Variants in ASS1 observed in about 807,000 individuals in gnomAD.
ASS1 encodes argininosuccinate synthase 1, also known as argininosuccinate synthase.
In ASS1, 58 loss-of-function variants were observed where a neutral mutation model predicts 60.5. That is an observed-to-expected ratio of 0.96 (90% CI 0.78 to 1.19). The LOEUF is 1.19. Among genes scored for constraint, ASS1 ranks in the 50% most tolerant of loss-of-function variants. ASS1 has a pLI of 0.00. For missense variants in ASS1, 454 were observed against 547.3 expected (o/e 0.83, Z 1.70); for synonymous variants, 200 against 206.9 (o/e 0.97, Z 0.29).
intron 12 of ASS1, among the ~76,000 whole-genome samples, chr9:130,492,897 G>A (rs1181594494): frequency 2.6e-5 from 4 of 152,142 alleles, no homozygotes; most frequent in Admixed American, 2.6e-4. Flanking sequence ...ACCCAGGCTG[G>A]GTCCGCTGGG....
In ASS1 at chr9:130,477,632, G is replaced by A. The variant is rs926437998; in HGVS notation, c.688+671G>A. On this transcript the variant is annotated intron_variant, in intron 9 of 14. Transcript: ENST00000352480. This position sits in a 1 kb window ranked among gnomAD's most constrained non-coding sequence, Gnocchi z 4.2. ...CTTGGGAGAGGGCATCTCTTGGCCT[G>A]GAGGAAGGATGGAGAAGCGAGGCAT... Among the ~76,000 whole-genome samples, 1 of 152,264 alleles carries A rather than the reference G, an allele frequency of 6.6e-6. No individual in the cohort carries two copies. The highest frequency in any genetic ancestry group is 1.5e-5 in the Non-Finnish European group (1 of 68,044).
chr9:130,500,865 A>G, intron 14 of ASS1, 111 bp from the exon 15 acceptor site: 1 of 1,188,564 alleles, frequency 8.4e-7, no homozygotes, highest in Non-Finnish European at 1.2e-6. Context: ...CTTCACACAC[A>G]TCTTAACAAA....
Position 130,458,606 on chromosome 9 carries a change from G to T in ASS1, c.363+17G>T, listed in dbSNP as rs1845507662. On this transcript the variant is annotated intron_variant, in intron 4 of 14. Transcript: ENST00000352480. ...ACAGGAAAGGTGAGGCACCTGGGAA[G>T]GGCCGGGCAGAGGGAGATGGAGGCG... 9.9e-6 allele frequency: 16 copies of T among 1,610,046 alleles called. No individual in the cohort carries two copies. Among genetic ancestry groups the T allele is most frequent in the Non-Finnish European group, 1.4e-5 (16 of 1,178,834 alleles).
chr9:130,465,624 C>T (rs960545833), intron 5 of ASS1, among the ~76,000 whole-genome samples: 1 of 152,218 alleles, frequency 6.6e-6, no homozygotes, highest in African/African-American at 2.4e-5. Flanking sequence ...TGGGCTCAAG[C>T]TCTGGAAGAG....
At chr9:130,471,974 C>G (rs1173256509) in intron 8 of ASS1, among the ~76,000 whole-genome samples, 1 of 152,152 alleles carries the variant, frequency 6.6e-6, no homozygotes, top group African/African-American at 2.4e-5. Context: ...CCCGCCACCA[C>G]CGGCCACCCT....
Position 130,474,074 on chromosome 9 carries a change from C to CCCCA in ASS1, c.597+2560_597+2561insCCAC, listed in dbSNP as rs1554722814. 9.0e-5 allele frequency among the ~76,000 whole-genome samples: 9 copies of CCCCA among 100,118 alleles called. 1 individual carries two copies. Among genetic ancestry groups the CCCCA allele is most frequent in the Non-Finnish European group, 2.2e-5 (1 of 45,630 alleles). 65.7% of individuals were successfully genotyped at this position (100,118 alleles called of 152,430 possible). ...TTCCCTCCCCCGCACCCCCCCCCCC[C>CCCCA]CACAGATGACATTGGAAGTGAGCCC... On this transcript the variant is annotated intron_variant, in intron 8 of 14. Coordinates refer to ENST00000352480, the MANE Select transcript of ASS1 (RefSeq NM_054012.4).
chr9:130,466,875 T>A (rs1160522323), intron 6 of ASS1, 76 bp downstream of exon 6: 2 of 1,524,440 alleles, frequency 1.3e-6, no homozygotes, highest in Non-Finnish European at 1.8e-6. Flanking sequence ...CTGGGGGCTG[T>A]CTGAGCCAGT....
At chr9:130,449,218 C>T (rs923910689) in intron 1 of ASS1, among the ~76,000 whole-genome samples, 3 of 151,930 alleles carry the variant, frequency 2.0e-5, no homozygotes, top group African/African-American at 7.3e-5. Flanking sequence ...GTAGTCCCAG[C>T]TACTTGGGGG....
intron 5 of ASS1, among the ~76,000 whole-genome samples, chr9:130,464,845 C>T (rs1343706739): frequency 1.3e-5 from 2 of 151,940 alleles, no homozygotes; most frequent in Non-Finnish European, 2.9e-5. Flanking sequence ...CTCGCTAGCT[C>T]ATCCTTCATC....
intron 2 of ASS1, among the ~76,000 whole-genome samples, chr9:130,453,506 T>C (rs1013239361): frequency 6.6e-6 from 1 of 152,156 alleles, no homozygotes; most frequent in African/African-American, 2.4e-5. Flanking sequence ...GAGCACAGCT[T>C]TGAGGGGCTG....
intron 6 of ASS1, among the ~76,000 whole-genome samples, chr9:130,468,118 G>T (rs1169120027): frequency 6.6e-6 from 1 of 152,186 alleles, no homozygotes; most frequent in African/African-American, 2.4e-5. Flanking sequence ...ATCTGAGCAC[G>T]TTCTAGAAGG....
intron 1 of ASS1, among the ~76,000 whole-genome samples, chr9:130,448,187 G>C (rs992334005): frequency 2.2e-4 from 33 of 151,948 alleles, no homozygotes; most frequent in Admixed American, 1.5e-3. Context: ...GAGGGAGGGG[G>C]GTGCCCCACC....
chr9:130,471,012 C>A, intron 7 of ASS1, 108 bp downstream of exon 7: 1 of 1,306,684 alleles, frequency 7.7e-7, no homozygotes, highest in Non-Finnish European at 1.1e-6. Flanking sequence ...GGTCCCTGCC[C>A]TCGGGGAGCT....
intron 3 of ASS1, among the ~76,000 whole-genome samples, chr9:130,457,564 C>T (rs1239457763): frequency 1.3e-5 from 2 of 152,312 alleles, no homozygotes; most frequent in South Asian, 4.1e-4. Context: ...TCCTCTGGAT[C>T]GGGGTTTCTC....
intron 1 of ASS1, chr9:130,451,626 G>A (rs1325615494): frequency 8.5e-6 from 3 of 354,838 alleles, no homozygotes; most frequent in African/African-American, 6.4e-5. Flanking sequence ...TGCGTGCTGG[G>A]GAAGCACAGA....
intron 6 of ASS1, among the ~76,000 whole-genome samples, chr9:130,467,778 C>T (rs961115326): frequency 2.0e-5 from 3 of 152,180 alleles, no homozygotes; most frequent in Non-Finnish European, 4.4e-5. Context: ...AAGCGTGTTT[C>T]ATCTTTAAGA....
chr9:130,465,020 T>C (rs1257534798), intron 5 of ASS1, among the ~76,000 whole-genome samples: 3 of 146,716 alleles, frequency 2.0e-5, no homozygotes, highest in Non-Finnish European at 4.5e-5. Flanking sequence ...GTATTACATA[T>C]AAATACATAT....
At chr9:130,487,596 C>G (rs944420175) in intron 11 of ASS1, among the ~76,000 whole-genome samples, 1 of 152,140 alleles carries the variant, frequency 6.6e-6, no homozygotes, top group Non-Finnish European at 1.5e-5. Context: ...CCCATTTTCC[C>G]TACCCCGGCC....
chr9:130,482,017 A>G (rs1481140592), intron 11 of ASS1, among the ~76,000 whole-genome samples: 1 of 151,968 alleles, frequency 6.6e-6, no homozygotes, highest in Non-Finnish European at 1.5e-5. Flanking sequence ...GCTGGGAGGG[A>G]CCTTGAGGAG....
Sources: allele counts gnomAD v4.1 joint callset (sites outside exome capture counted in the v4.1 genomes callset), GRCh38; gene constraint gnomAD v4.1.1; non-coding constraint Gnocchi (gnomAD v3.1); transcripts MANE v1.5; gene names NCBI Gene and HGNC (gene_info 2026-07-23, HGNC 2026-07-21).